The following CDC14A variants were observed in gnomAD, a reference collection of about 807,000 sequenced individuals.
The protein encoded by CDC14A is cell division cycle 14A, also known as dual specificity protein phosphatase CDC14A.
CDC14A carries 53 observed loss-of-function variants against 74.4 expected under a neutral mutation model. The ratio of observed to expected loss-of-function variants is 0.71; its 90% confidence interval spans 0.57 to 0.89. The LOEUF (loss-of-function observed/expected upper bound fraction) is 0.89. Ranked by LOEUF, CDC14A falls within the 40% of genes least tolerant of loss-of-function variation. The pLI, the probability that CDC14A is intolerant of heterozygous loss-of-function variation, is 0.00. For missense variants in CDC14A, 646 were observed against 713.7 expected (o/e 0.91, Z 1.08); for synonymous variants, 247 against 258.4 (o/e 0.96, Z 0.43).
At chr1:100,480,607 C>T (rs998386817) in intron 10 of CDC14A, among the ~76,000 whole-genome samples, 14 of 152,228 alleles carry the variant, frequency 9.2e-5, no homozygotes, top group African/African-American at 2.9e-4. Context: ...TTTTTCATTC[C>T]CACCAACAAT....
chr1:100,351,806 C>G, upstream of CDC14A: 1 of 1,550,076 alleles, frequency 6.5e-7, no homozygotes, highest in Non-Finnish European at 8.7e-7. Flanking sequence ...ATATCAGAGT[C>G]TGGTATGTGT....
chr1:100,459,099 ACG>A (rs138246650), intron 8 of CDC14A, among the ~76,000 whole-genome samples: 3,820 of 119,710 alleles, frequency 0.032, 93 homozygotes, highest in African/African-American at 0.075. Flanking sequence ...ACACACACAC[ACG>A]CACACACACA....
intron 3 of CDC14A, among the ~76,000 whole-genome samples, 154 bp downstream of exon 3, chr1:100,377,775 C>T (rs370572152): frequency 6.6e-5 from 10 of 152,140 alleles, no homozygotes; most frequent in East Asian, 3.8e-4. Flanking sequence ...AAGTGATCCT[C>T]CTGATTATAC....
intron 3 of CDC14A, among the ~76,000 whole-genome samples, chr1:100,377,960 G>A (rs572367717): frequency 4.1e-4 from 62 of 150,770 alleles, no homozygotes; most frequent in African/African-American, 7.5e-4. Flanking sequence ...AGATATGCCT[G>A]TAGACCCTGT....
At chr1:100,368,082 G>A (rs1183736252) in intron 2 of CDC14A, among the ~76,000 whole-genome samples, 1 of 152,170 alleles carries the variant, frequency 6.6e-6, no homozygotes, top group Admixed American at 6.5e-5. Context: ...TTGGGCCTTT[G>A]TAGGGAAAGG....
At chr1:100,439,885 A>G in intron 5 of CDC14A, 47 bp from the exon 6 acceptor site, 2 of 1,340,736 alleles carry the variant, frequency 1.5e-6, no homozygotes, top group Non-Finnish European at 2.1e-6. Flanking sequence ...TATTATTTGA[A>G]TGTTCTAAAT....
chr1:100,455,998 C>A (rs1666644303), intron 8 of CDC14A, among the ~76,000 whole-genome samples: 1 of 152,150 alleles, frequency 6.6e-6, no homozygotes, highest in Non-Finnish European at 1.5e-5. Context: ...TTGTTATCTG[C>A]ATTTTAGGGA....
chr1:100,468,663 C>G (rs1003732444), intron 10 of CDC14A, among the ~76,000 whole-genome samples: 1 of 152,208 alleles, frequency 6.6e-6, no homozygotes, highest in Admixed American at 6.5e-5. Flanking sequence ...TTCACTCATT[C>G]ATTTATTCCC....
chr1:100,392,736 A>G (rs1236810859), intron 4 of CDC14A, among the ~76,000 whole-genome samples: 1 of 152,250 alleles, frequency 6.6e-6, no homozygotes, highest in South Asian at 2.1e-4. Context: ...CCTTGGATAC[A>G]AAACATGGCC....
At chr1:100,513,184 A>G (rs2101481336) in intron 15 of CDC14A, among the ~76,000 whole-genome samples, 1 of 152,356 alleles carries the variant, frequency 6.6e-6, no homozygotes, top group East Asian at 1.9e-4. Flanking sequence ...GCTTAAAGAG[A>G]CATAGGAGTA....
intron 5 of CDC14A, among the ~76,000 whole-genome samples, chr1:100,427,604 T>G (rs1164622110): frequency 1.3e-5 from 2 of 152,228 alleles, no homozygotes; most frequent in African/African-American, 4.8e-5. Context: ...CACCTTGTAT[T>G]ATAATTATTT....
At chr1:100,379,765 G>A (rs977454035) in intron 3 of CDC14A, among the ~76,000 whole-genome samples, 2 of 152,146 alleles carry the variant, frequency 1.3e-5, no homozygotes, top group Non-Finnish European at 2.9e-5. Flanking sequence ...ACCAACATCT[G>A]CTTCTGGTGA....
chr1:100,449,345 TATC>T (rs1665889255), intron 7 of CDC14A, among the ~76,000 whole-genome samples: 1 of 152,188 alleles, frequency 6.6e-6, no homozygotes, highest in Admixed American at 6.5e-5. Flanking sequence ...TCCCCTGTTT[TATC>T]ATTTCCCCTT....
intron 8 of CDC14A, among the ~76,000 whole-genome samples, chr1:100,460,310 T>C (rs1046691452): frequency 2.6e-5 from 4 of 152,232 alleles, no homozygotes; most frequent in African/African-American, 9.6e-5. Context: ...TATTTAGGCA[T>C]GTTAGCTATG....
intron 8 of CDC14A, among the ~76,000 whole-genome samples, chr1:100,456,262 A>G (rs1021372971): frequency 9.9e-5 from 15 of 152,238 alleles, no homozygotes; most frequent in African/African-American, 3.6e-4. Flanking sequence ...TTTTGAATGA[A>G]ACATGATCAG....
chr1:100,377,171 G>C (rs905728427), intron 2 of CDC14A, among the ~76,000 whole-genome samples: 3 of 151,974 alleles, frequency 2.0e-5, no homozygotes, highest in African/African-American at 7.3e-5. Flanking sequence ...CTCTCGAGTA[G>C]CTGGGATTAT....
chr1:100,408,871 C>A lies in CDC14A; in HGVS notation c.310-15351C>A, dbSNP rs544126371. 3.3e-5 allele frequency among the ~76,000 whole-genome samples: 5 copies of A among 152,304 alleles called. No homozygotes were observed. In the East Asian group the frequency reaches 9.6e-4, roughly 29 times the overall value. On this transcript the variant is annotated intron_variant, in intron 4 of 15. Transcript: ENST00000336454. ...GTTGGGGACATTCAATATCCTCCTT[C>A]TAGCTATTTGAAACCATATATTACT...
At chr1:100,433,533 A>T (rs545030184) in intron 5 of CDC14A, among the ~76,000 whole-genome samples, 70 of 152,178 alleles carry the variant, frequency 4.6e-4, no homozygotes, top group Non-Finnish European at 7.9e-4. Flanking sequence ...GACTTAAGAT[A>T]ATTGTAGATC....
intron 4 of CDC14A, among the ~76,000 whole-genome samples, chr1:100,401,993 G>A (rs146666348): frequency 0.054 from 8,155 of 151,660 alleles, 412 homozygotes; most frequent in African/African-American, 0.13. Context: ...AGCCGAGATC[G>A]CGCCATTGCA....
Sources: allele counts gnomAD v4.1 joint callset (sites outside exome capture counted in the v4.1 genomes callset), GRCh38; gene constraint gnomAD v4.1.1; transcripts MANE v1.5; gene names NCBI Gene and HGNC (gene_info 2026-07-23, HGNC 2026-07-21).